STX7: variants seen among roughly 807,000 people sequenced by gnomAD.
The protein encoded by STX7 is syntaxin-7.
In STX7, 34 loss-of-function variants were observed where a neutral mutation model predicts 39.6. The observed-to-expected ratio is 0.86, with a 90% confidence interval of 0.65 to 1.14. STX7 has a LOEUF of 1.14. STX7 is among the 50% of genes most tolerant of loss of function. The pLI is 0.00. For synonymous variants in STX7, 119 were observed against 99.1 expected, an observed-to-expected ratio of 1.20 and a Z score of -1.19; for missense variants, 284 against 310.4, an observed-to-expected ratio of 0.92 and a Z score of 0.64.
chr6:132,463,578 A>T (rs1774475808), intron 9 of STX7, among the ~76,000 whole-genome samples: 1 of 152,208 alleles, frequency 6.6e-6, no homozygotes, highest in South Asian at 2.1e-4. Flanking sequence ...TCTCTAGGAC[A>T]AGGAAATTTG....
intron 1 of STX7, among the ~76,000 whole-genome samples, chr6:132,512,367 G>C (rs928572667): frequency 2.0e-5 from 3 of 151,998 alleles, no homozygotes; most frequent in African/African-American, 7.2e-5. Flanking sequence ...AAAGTAACTA[G>C]AAAACAAGGT....
At position 132,502,317 on chromosome 6, in the gene STX7, G is replaced by C. The variant is rs780539997; in HGVS notation, c.85+1129C>G. 9.2e-5 allele frequency among the ~76,000 whole-genome samples: 14 copies of C among 152,302 alleles called. 1 individual carries two copies. In the Middle Eastern group the frequency reaches 0.017, roughly 185 times the overall value. On this transcript the variant is annotated intron_variant, in intron 2 of 9. Coordinates refer to ENST00000367941, the MANE Select transcript of STX7 (RefSeq NM_003569.3). ...ACATTCTGTTAAAAAGAATAGCCTT[G>C]TAAGGAACTAGGCTGAAGAATAAAA...
chr6:132,484,953 C>T (rs1437533329), intron 2 of STX7, among the ~76,000 whole-genome samples: 1 of 152,176 alleles, frequency 6.6e-6, no homozygotes, highest in Non-Finnish European at 1.5e-5. Flanking sequence ...TCAACAGAGT[C>T]TGTTGTTCTC....
chr6:132,508,599 T>C (rs1775765235), intron 1 of STX7, among the ~76,000 whole-genome samples: 1 of 152,188 alleles, frequency 6.6e-6, no homozygotes, highest in South Asian at 2.1e-4. Flanking sequence ...CAGCCCTGAC[T>C]TCCAGGCTCA....
Position 132,465,434 on chromosome 6 carries a change from C to A in STX7, c.611-1359G>T, listed in dbSNP as rs560902962. ...TAGCCTTAGAGTCCTTGGACAATCA[C>A]TTAGCCTCAGCTTACTCTCATCCTT... On this transcript the variant is annotated intron_variant, in intron 8 of 9. Coordinates refer to ENST00000367941, the MANE Select transcript of STX7 (RefSeq NM_003569.3). Among the ~76,000 whole-genome samples the A allele has an allele frequency of 2.6e-5, 4 of 152,306 alleles. No homozygotes were observed. The South Asian group carries it at 6.2e-4, about 24-fold the overall frequency.
At chr6:132,498,746 T>G (rs1775479495) in intron 2 of STX7, among the ~76,000 whole-genome samples, 1 of 152,158 alleles carries the variant, frequency 6.6e-6, no homozygotes, top group Non-Finnish European at 1.5e-5. Flanking sequence ...TGAACTGAAA[T>G]TTCACACTTC....
chr6:132,478,117 T>C (rs1774918899), intron 2 of STX7, among the ~76,000 whole-genome samples: 1 of 151,442 alleles, frequency 6.6e-6, no homozygotes, highest in South Asian at 2.1e-4. Context: ...AGTAGAAAAA[T>C]GGGCCAAGAC....
intron 2 of STX7, among the ~76,000 whole-genome samples, chr6:132,488,584 T>G (rs1036959057): frequency 6.6e-6 from 1 of 152,226 alleles, no homozygotes; most frequent in Non-Finnish European, 1.5e-5. Flanking sequence ...TTTTAAGTGT[T>G]CAGCTTCTTA....
At chr6:132,479,374 A>G (rs144113701) in intron 2 of STX7, among the ~76,000 whole-genome samples, 43 of 152,352 alleles carry the variant, frequency 2.8e-4, no homozygotes, top group African/African-American at 1.0e-3. Flanking sequence ...GAAGAAAACT[A>G]GTAGCAAATC....
intron 9 of STX7, among the ~76,000 whole-genome samples, chr6:132,463,023 A>C (rs931635795): frequency 7.2e-5 from 11 of 152,054 alleles, no homozygotes. Flanking sequence ...GGAGTTCCAG[A>C]CCAGCCTGGG....
chr6:132,482,472 G>A (rs978987081), intron 2 of STX7, among the ~76,000 whole-genome samples: 6 of 152,172 alleles, frequency 3.9e-5, no homozygotes, highest in African/African-American at 1.4e-4. Flanking sequence ...TTGAGAACCA[G>A]ACAGAATAAC....
chr6:132,506,509 C>G (rs913099694), intron 1 of STX7, among the ~76,000 whole-genome samples: 11 of 152,140 alleles, frequency 7.2e-5, no homozygotes, highest in African/African-American at 2.7e-4. Context: ...TGTTTAACAT[C>G]AGTAAGCACC....
rs1774180479 is a variant in STX7, at chr6:132,453,504, C to T, written c.*7254G>A. 1 of 151,134 alleles carries T rather than the reference C, an allele frequency of 6.6e-6. No homozygotes were observed. The allele number at this position is 151,134 out of a possible 1,614,324, so 9.4% of individuals were successfully genotyped here. A position where few individuals can be genotyped will look rare whatever the true frequency, so the allele number is the denominator to read the frequency against. ...AAATATTTGCAAATCACACATCCAACAAAGGACTAGTATCTAGAAAAAAAT... is the reference window on the plus strand; with the variant it reads ...AAATATTTGCAAATCACACATCCAATAAAGGACTAGTATCTAGAAAAAAAT... On this transcript the variant is annotated 3_prime_UTR_variant, in exon 10 of 10. Transcript: ENST00000367941.
At chr6:132,497,449 G>A (rs1300627230) in intron 2 of STX7, among the ~76,000 whole-genome samples, 1 of 152,150 alleles carries the variant, frequency 6.6e-6, no homozygotes, top group Non-Finnish European at 1.5e-5. Flanking sequence ...GGGGACTAAG[G>A]AATGTTCTAT....
At chr6:132,465,423 T>C (rs1336484886) in intron 8 of STX7, among the ~76,000 whole-genome samples, 1 of 152,212 alleles carries the variant, frequency 6.6e-6, no homozygotes, top group African/African-American at 2.4e-5. Context: ...CTTAGAGTCC[T>C]TGGACAATCA....
intron 3 of STX7, among the ~76,000 whole-genome samples, chr6:132,472,735 C>A (rs73776238): frequency 0.016 from 2,451 of 152,230 alleles, 50 homozygotes; most frequent in African/African-American, 0.053. Context: ...GCATCTCACA[C>A]CTGGAAGGTC....
chr6:132,463,772 C>T (rs895836791), intron 9 of STX7, among the ~76,000 whole-genome samples: 6 of 152,162 alleles, frequency 3.9e-5, no homozygotes, highest in Admixed American at 3.9e-4. Context: ...ACTTTCTCTC[C>T]CTGTGGGCCA....
intron 9 of STX7, 61 bp downstream of exon 9, chr6:132,463,930 CAA>C: frequency 1.3e-6 from 2 of 1,497,154 alleles, no homozygotes; most frequent in Non-Finnish European, 1.9e-6. Flanking sequence ...TTCCTCAACA[CAA>C]ACACACACAC....
At chr6:132,486,956 T>C (rs937980809) in intron 2 of STX7, among the ~76,000 whole-genome samples, 17 of 152,094 alleles carry the variant, frequency 1.1e-4, no homozygotes, top group South Asian at 4.1e-4. Flanking sequence ...CATGAACCAC[T>C]GCACCCAGCC....
Sources: allele counts gnomAD v4.1 joint callset (sites outside exome capture counted in the v4.1 genomes callset), GRCh38; gene constraint gnomAD v4.1.1; transcripts MANE v1.5; gene names NCBI Gene and HGNC (gene_info 2026-07-23, HGNC 2026-07-21).